NFIB: variants seen among roughly 807,000 people sequenced by gnomAD.
NFIB encodes the protein nuclear factor I B, also known as nuclear factor 1 B-type.
A neutral mutation model predicts 61.5 loss-of-function variants in NFIB; 11 were observed. The ratio of observed to expected loss-of-function variants is 0.18; its 90% CI spans 0.11 to 0.30. The LOEUF is 0.30. Among genes scored for constraint, NFIB ranks in the 10% least tolerant of loss-of-function variants. The pLI is 1.00. For synonymous variants in NFIB, 260 were observed against 216.5 expected, an observed-to-expected ratio of 1.20 and a Z score of -1.76; for missense variants, 471 against 608.9, an observed-to-expected ratio of 0.77 and a Z score of 2.38.
intron 3 of NFIB, among the ~76,000 whole-genome samples, chr9:14,169,300 C>T (rs2045294826): frequency 6.6e-6 from 1 of 152,072 alleles, no homozygotes; most frequent in South Asian, 2.1e-4. Context: ...CAGGAACACA[C>T]ATACATGCAA....
chr9:14,152,063 G>A (rs758385332), intron 4 of NFIB, among the ~76,000 whole-genome samples: 1 of 152,098 alleles, frequency 6.6e-6, no homozygotes, highest in Non-Finnish European at 1.5e-5. Flanking sequence ...AAGAAAGTAT[G>A]ATTAGGAGGT....
the NFIB span, among the ~76,000 whole-genome samples, chr9:14,510,611 T>C: frequency 1.3e-5 from 2 of 152,180 alleles, no homozygotes; most frequent in Non-Finnish European, 2.9e-5. Context: ...TAATCTCTCT[T>C]TTGTTTTCCT....
rs764597286 is a variant in NFIB, at chr9:14,094,524, C to T, written c.1468-6198G>A. The T allele has an allele frequency of 2.0e-5, 3 of 152,130 alleles. No homozygotes were observed. In the East Asian group the frequency reaches 5.8e-4, roughly 29 times the overall value. 9.4% of individuals were successfully genotyped at this position (152,130 alleles called of 1,614,324 possible). A position where few individuals can be genotyped will look rare whatever the true frequency, so the allele number is the denominator to read the frequency against. On this transcript the variant is annotated intron_variant, in intron 10 of 10. Coordinates refer to ENST00000380953, the MANE Select transcript of NFIB (RefSeq NM_001190737.2). The stretch of plus-strand genomic sequence containing the variant: ...TTGGGTTTCTTCGATTTATTTTCAC[C>T]GTTTTTAGGGATCATTATTGCCGTC...
intron 6 of NFIB, among the ~76,000 whole-genome samples, chr9:14,143,879 T>A (rs1409891006): frequency 6.6e-6 from 1 of 152,148 alleles, no homozygotes; most frequent in Admixed American, 6.6e-5. Flanking sequence ...AGCAAATTTA[T>A]AAAGATAGTA....
chr9:14,242,305 A>G (rs150566306), intron 2 of NFIB, among the ~76,000 whole-genome samples: 2 of 152,336 alleles, frequency 1.3e-5, no homozygotes, highest in East Asian at 3.9e-4. Context: ...AGAAGTTTGA[A>G]AAGTCTAAAG....
intron 1 of NFIB, among the ~76,000 whole-genome samples, chr9:14,352,803 C>T (rs1419225714): frequency 1.3e-5 from 2 of 152,188 alleles, no homozygotes; most frequent in Non-Finnish European, 2.9e-5. Flanking sequence ...TTTCAAAGGC[C>T]TGCATAGGAA....
At chr9:14,308,683 G>C (rs2060141867) in intron 1 of NFIB, among the ~76,000 whole-genome samples, 1 of 152,192 alleles carries the variant, frequency 6.6e-6, no homozygotes, top group South Asian at 2.1e-4. Context: ...AGTTAGAACT[G>C]TGGGTGCATA....
At chr9:14,270,008 T>A (rs1240011725) in intron 2 of NFIB, among the ~76,000 whole-genome samples, 3 of 152,206 alleles carry the variant, frequency 2.0e-5, no homozygotes, top group Non-Finnish European at 4.4e-5. Context: ...ATACAGGTGC[T>A]ACCTGACCTC....
intron 1 of NFIB, among the ~76,000 whole-genome samples, chr9:14,355,344 G>A (rs1049805753): frequency 2.0e-5 from 3 of 152,094 alleles, no homozygotes; most frequent in Non-Finnish European, 2.9e-5. Flanking sequence ...AAGAGGCCTC[G>A]GAAGAAACCA....
intron 1 of NFIB, among the ~76,000 whole-genome samples, chr9:14,343,750 TGAGA>T (rs1345304243): frequency 8.4e-6 from 1 of 119,662 alleles, no homozygotes; most frequent in Non-Finnish European, 1.7e-5. Flanking sequence ...AGAGAGGGAG[TGAGA>T]GAAAGAGGGC....
chr9:14,308,239 A>C (rs1178096758), intron 1 of NFIB, among the ~76,000 whole-genome samples: 1 of 152,230 alleles, frequency 6.6e-6, no homozygotes, highest in Non-Finnish European at 1.5e-5. Flanking sequence ...GGCAAAGGAC[A>C]CAGCTCGTCG....
intron 7 of NFIB, among the ~76,000 whole-genome samples, chr9:14,124,951 G>A (rs963080164): frequency 5.9e-5 from 9 of 152,052 alleles, no homozygotes; most frequent in Admixed American, 2.0e-4. Context: ...AGTGCCTTAC[G>A]TCTTAATGCC....
At chr9:14,466,140 C>G in the NFIB span, among the ~76,000 whole-genome samples, 1 of 152,168 alleles carries the variant, frequency 6.6e-6, no homozygotes, top group Non-Finnish European at 1.5e-5. Context: ...AGAGAGCCCG[C>G]ATCTCAGCCA....
intron 1 of NFIB, among the ~76,000 whole-genome samples, chr9:14,327,605 C>G (rs778652289): frequency 5.3e-5 from 8 of 152,098 alleles, no homozygotes; most frequent in Non-Finnish European, 1.0e-4. Context: ...ATATTTTCCT[C>G]CAAATTTGTT....
At chr9:14,232,220 T>C (rs1422078278) in intron 2 of NFIB, among the ~76,000 whole-genome samples, 1 of 152,142 alleles carries the variant, frequency 6.6e-6, no homozygotes, top group Non-Finnish European at 1.5e-5. Context: ...GGCAAGTCAA[T>C]AGTGTTTGTG....
chr9:14,344,996 C>T (rs2061001969), intron 1 of NFIB, among the ~76,000 whole-genome samples: 1 of 152,126 alleles, frequency 6.6e-6, no homozygotes, highest in Non-Finnish European at 1.5e-5. Flanking sequence ...CTTCCACCTT[C>T]GGCCCTTCCC....
intron 2 of NFIB, among the ~76,000 whole-genome samples, chr9:14,295,135 T>TA (rs1457978826): frequency 6.6e-6 from 1 of 152,240 alleles, no homozygotes; most frequent in Non-Finnish European, 1.5e-5. Flanking sequence ...TTTAATTATT[T>TA]AATTTTCTTA....
At chr9:14,326,805 G>A (rs76335205) in intron 1 of NFIB, among the ~76,000 whole-genome samples, 2,033 of 150,594 alleles carry the variant, frequency 0.013, 49 homozygotes, top group African/African-American at 0.047. Context: ...AAAAAATAAT[G>A]TTTATTGCAA....
At chr9:14,322,119 C>T in intron 1 of NFIB, 1 of 1,150,922 alleles carries the variant, frequency 8.7e-7, no homozygotes, top group Non-Finnish European at 1.1e-6. Context: ...CGGGAGTAGT[C>T]TTATGTATTT....
Sources: allele counts gnomAD v4.1 joint callset (sites outside exome capture counted in the v4.1 genomes callset), GRCh38; gene constraint gnomAD v4.1.1; transcripts MANE v1.5; gene names NCBI Gene and HGNC (gene_info 2026-07-23, HGNC 2026-07-21).